Variants in RBMS3 observed in about 807,000 individuals in gnomAD.
RBMS3 encodes RNA-binding motif, single-stranded-interacting protein 3.
RBMS3 carries 27 observed loss-of-function variants against 66.8 expected under a neutral mutation model. The ratio of observed to expected loss-of-function variants is 0.40; its 90% CI spans 0.30 to 0.56. The LOEUF (loss-of-function observed/expected upper bound fraction) is 0.56. Among genes scored for constraint, RBMS3 ranks in the 20% least tolerant of loss-of-function variants. The pLI, the probability that RBMS3 is intolerant of heterozygous loss-of-function variation, is 0.40. For synonymous variants in RBMS3, 188 were observed against 183.0 expected (o/e 1.03, Z -0.22); for missense variants, 513 against 549.5 (o/e 0.93, Z 0.66).
chr3:29,809,507 G>A (rs1243317987), intron 6 of RBMS3, among the ~76,000 whole-genome samples: 1 of 151,764 alleles, frequency 6.6e-6, no homozygotes, highest in Admixed American at 6.6e-5. Context: ...TATTAGTAAC[G>A]GGGCCTTCAA....
At chr3:29,311,117 G>C (rs1159638405) in intron 1 of RBMS3, among the ~76,000 whole-genome samples, 2 of 151,722 alleles carry the variant, frequency 1.3e-5, no homozygotes, top group African/African-American at 4.8e-5. Context: ...TAGGTTAATG[G>C]GGCCAGTGAG....
intron 4 of RBMS3, among the ~76,000 whole-genome samples, chr3:29,609,101 C>A (rs2048406402): frequency 1.3e-5 from 2 of 151,644 alleles, no homozygotes; most frequent in African/African-American, 4.8e-5. Context: ...AAATAAATTA[C>A]CAGAAAAATA....
intron 1 of RBMS3, among the ~76,000 whole-genome samples, chr3:29,286,555 GA>G (rs929015039): frequency 5.9e-5 from 9 of 151,282 alleles, no homozygotes; most frequent in Non-Finnish European, 1.2e-4. Flanking sequence ...TTTCAATTTG[GA>G]AAAAAAATAG....
intron 10 of RBMS3, among the ~76,000 whole-genome samples, chr3:29,912,475 A>G (rs1577127856): frequency 6.6e-6 from 1 of 152,102 alleles, no homozygotes; most frequent in East Asian, 1.9e-4. Flanking sequence ...GTGTGTTAAA[A>G]ACAATTTAGG....
chr3:29,874,181 A>G (rs995283818), intron 7 of RBMS3, among the ~76,000 whole-genome samples: 5 of 152,162 alleles, frequency 3.3e-5, no homozygotes, highest in African/African-American at 1.2e-4. Context: ...GGAACACAAC[A>G]TTTCTATTAG....
At position 29,977,105 on chromosome 3, in the gene RBMS3, G is replaced by T. The variant is rs186754992; in HGVS notation, c.1099-11038G>T. ...CTCTATTGTTCTCATTGACTTTCCG[G>T]GTTTGATGCGACCTGAAAAACTCTC... On this transcript the variant is annotated intron_variant, in intron 12 of 14. Coordinates refer to ENST00000383767, the MANE Select transcript of RBMS3 (RefSeq NM_001003793.3). Among the ~76,000 whole-genome samples, 169 of 152,074 alleles carry T rather than the reference G, an allele frequency of 1.1e-3. 3 individuals are homozygous for T. The highest frequency in any genetic ancestry group is 3.5e-3 in the African/African-American group (144 of 41,498).
intron 4 of RBMS3, among the ~76,000 whole-genome samples, chr3:29,669,110 CA>C (rs1420639377): frequency 2.6e-5 from 4 of 152,168 alleles, no homozygotes; most frequent in African/African-American, 7.2e-5. Context: ...GCTGCTCTGA[CA>C]AAAAGCTATT....
intron 1 of RBMS3, among the ~76,000 whole-genome samples, chr3:29,364,022 A>T (rs530089164): frequency 6.6e-6 from 1 of 152,186 alleles, no homozygotes; most frequent in South Asian, 2.1e-4. Flanking sequence ...TTTTAAATTC[A>T]TGTTTCTTAG....
intron 4 of RBMS3, among the ~76,000 whole-genome samples, chr3:29,623,341 C>G (rs1412953575): frequency 1.3e-5 from 2 of 151,808 alleles, no homozygotes; most frequent in Admixed American, 1.3e-4. Flanking sequence ...GCCTGTAATC[C>G]CAGCACTTTG....
At chr3:29,837,201 C>G (rs770792659) in intron 6 of RBMS3, among the ~76,000 whole-genome samples, 19 of 152,088 alleles carry the variant, frequency 1.2e-4, no homozygotes, top group Non-Finnish European at 2.4e-4. Context: ...TCCTCCAAAA[C>G]CATAATGAGT....
At chr3:29,286,223 A>G (rs924781008) in intron 1 of RBMS3, among the ~76,000 whole-genome samples, 2 of 152,094 alleles carry the variant, frequency 1.3e-5, no homozygotes, top group Non-Finnish European at 2.9e-5. Flanking sequence ...CTCACTTTAG[A>G]CTGTATAGAA....
chr3:29,767,904 A>C (rs895452082), intron 6 of RBMS3, among the ~76,000 whole-genome samples: 2 of 152,016 alleles, frequency 1.3e-5, no homozygotes, highest in Admixed American at 1.3e-4. Flanking sequence ...CAGTCTATTA[A>C]GTCCACAAAT....
chr3:29,540,697 G>A (rs1182515183), intron 3 of RBMS3, among the ~76,000 whole-genome samples: 1 of 152,154 alleles, frequency 6.6e-6, no homozygotes, highest in Non-Finnish European at 1.5e-5. Context: ...TAGCTTAGTA[G>A]ATGTGTGAGC....
intron 4 of RBMS3, among the ~76,000 whole-genome samples, chr3:29,672,764 A>C (rs2149248104): frequency 6.6e-6 from 1 of 152,332 alleles, no homozygotes; most frequent in South Asian, 2.1e-4. Flanking sequence ...CCAATACAGG[A>C]GCACCCAGAT....
chr3:29,798,684 T>A (rs2057293787), intron 6 of RBMS3, among the ~76,000 whole-genome samples: 1 of 152,160 alleles, frequency 6.6e-6, no homozygotes, highest in Admixed American at 6.5e-5. Flanking sequence ...TTAAGAAGGT[T>A]AAGTTTTATA....
At chr3:29,732,940 T>C (rs1186876974) in intron 4 of RBMS3, among the ~76,000 whole-genome samples, 1 of 152,100 alleles carries the variant, frequency 6.6e-6, no homozygotes, top group African/African-American at 2.4e-5. Context: ...ATATTGCTTA[T>C]TCACTTACTA....
chr3:29,988,076 G>T, intron 12 of RBMS3, 67 bp from the exon 13 acceptor site: 3 of 1,280,132 alleles, frequency 2.3e-6, no homozygotes, highest in Non-Finnish European at 3.4e-6. Context: ...GTCTCCTGTG[G>T]TATTTAATAA....
At chr3:29,932,115 A>G (rs951604799) in intron 10 of RBMS3, among the ~76,000 whole-genome samples, 2 of 152,210 alleles carry the variant, frequency 1.3e-5, no homozygotes, top group Non-Finnish European at 2.9e-5. Context: ...CCAATGTGTT[A>G]TAATAGAAGC....
intron 12 of RBMS3, among the ~76,000 whole-genome samples, chr3:29,963,570 G>A (rs1238636683): frequency 6.6e-6 from 1 of 152,158 alleles, no homozygotes; most frequent in East Asian, 1.9e-4. Context: ...TCTCATGCCT[G>A]TAATCCCAGC....
Sources: allele counts gnomAD v4.1 joint callset (sites outside exome capture counted in the v4.1 genomes callset), GRCh38; gene constraint gnomAD v4.1.1; transcripts MANE v1.5; gene names NCBI Gene and HGNC (gene_info 2026-07-23, HGNC 2026-07-21).